The following ADAM12 variants were observed in gnomAD, a reference collection of about 807,000 sequenced individuals.
ADAM12 encodes the protein disintegrin and metalloproteinase domain-containing protein 12.
ADAM12 carries 70 observed loss-of-function variants against 106.4 expected under a neutral mutation model. The ratio of observed to expected loss-of-function variants is 0.66; its 90% CI spans 0.54 to 0.80. ADAM12 has a LOEUF of 0.80. ADAM12 is among the 30% of genes least tolerant of loss of function. The probability of loss-of-function intolerance (pLI) is 0.00; values close to 1 mark genes in which losing one functional copy is unlikely to be tolerated. For missense variants in ADAM12, 1,010 were observed against 1,171.9 expected, an observed-to-expected ratio of 0.86 and a Z score of 2.02; for synonymous variants, 420 against 433.5, an observed-to-expected ratio of 0.97 and a Z score of 0.39.
intron 21 of ADAM12, among the ~76,000 whole-genome samples, chr10:126,031,325 TA>T (rs1179508407): frequency 1.3e-5 from 2 of 152,260 alleles, no homozygotes; most frequent in South Asian, 4.1e-4. Flanking sequence ...CCCAGATTTC[TA>T]GGCTCTGCAA....
At chr10:126,079,661 A>C (rs1323920365) in intron 11 of ADAM12, among the ~76,000 whole-genome samples, 1 of 152,218 alleles carries the variant, frequency 6.6e-6, no homozygotes, top group African/African-American at 2.4e-5. Flanking sequence ...TGTTGTACCT[A>C]TTTGTGTCGT....
rs145095500 is a variant in ADAM12, at chr10:126,123,235, G to C, written c.417-5011C>G. Among the ~76,000 whole-genome samples, 658 of 152,306 alleles carry C rather than the reference G, an allele frequency of 4.3e-3. 10 individuals carry two copies. The highest frequency in any genetic ancestry group is 0.015 in the African/African-American group (614 of 41,556). The stretch of plus-strand genomic sequence containing the variant: ...CAGGGTTTCTGAGATACATTTTGAT[G>C]TTCTCACAGCCCTTACTGGCCCTGA... On this transcript the variant is annotated intron_variant, in intron 5 of 22. Coordinates refer to ENST00000448723, the MANE Select transcript of ADAM12 (RefSeq NM_001288973.2).
chr10:126,013,813 T>TGGAGA lies in ADAM12; in HGVS notation c.*3461_*3465dup, dbSNP rs1261846985. ...AGCTGCCTAGGGCTGGCTTCTAGCA[T>TGGAGA]GGAGAGGAGAGGAAAAGGGGTCCTG... is the stretch of plus-strand genomic sequence containing the variant. On this transcript the variant is annotated 3_prime_UTR_variant, in exon 23 of 23. Transcript: ENST00000448723. This position sits in a 1 kb window ranked among gnomAD's most constrained non-coding sequence, Gnocchi z 4.3. The TGGAGA allele has an allele frequency of 6.6e-6, 1 of 152,306 alleles. No individual in the cohort carries two copies. The highest frequency in any genetic ancestry group is 2.4e-5 in the African/African-American group (1 of 41,406). The allele number at this position is 152,306 out of a possible 1,614,324, so 9.4% of individuals were successfully genotyped here. A position where few individuals can be genotyped will look rare whatever the true frequency, so the allele number is the denominator to read the frequency against.
chr10:126,192,656 G>A (rs1957524742), intron 3 of ADAM12, among the ~76,000 whole-genome samples: 1 of 152,182 alleles, frequency 6.6e-6, no homozygotes. Context: ...TTCAGTAGAT[G>A]GGATCCCCCT....
intron 3 of ADAM12, among the ~76,000 whole-genome samples, chr10:126,170,460 G>A (rs1656825859): frequency 6.6e-6 from 1 of 151,312 alleles, no homozygotes; most frequent in Admixed American, 6.6e-5. Flanking sequence ...GGGAGTCCCT[G>A]TGTGTGAACC....
chr10:126,206,854 T>TGGGGGG (rs145374984), intron 3 of ADAM12, among the ~76,000 whole-genome samples: 13 of 81,816 alleles, frequency 1.6e-4, no homozygotes, highest in East Asian at 3.2e-4. Context: ...CCATGTGTTG[T>TGGGGGG]GGGGGCGGGG....
At chr10:126,257,582 C>T (rs1454417322) in intron 3 of ADAM12, among the ~76,000 whole-genome samples, 4 of 152,158 alleles carry the variant, frequency 2.6e-5, no homozygotes. Context: ...AAAACTCTAT[C>T]CACAACTATA....
At chr10:126,346,710 A>G (rs1278574200) in intron 1 of ADAM12, among the ~76,000 whole-genome samples, 1 of 152,160 alleles carries the variant, frequency 6.6e-6, no homozygotes, top group East Asian at 1.9e-4. Flanking sequence ...GTGCTCCTGT[A>G]TTGGGTGCAT....
chr10:126,290,694 G>T (rs10901584), intron 2 of ADAM12, among the ~76,000 whole-genome samples: 1 of 151,926 alleles, frequency 6.6e-6, no homozygotes, highest in Non-Finnish European at 1.5e-5. Context: ...AATAAATGAC[G>T]CTTCAAAAAT....
At position 126,101,066 on chromosome 10, in the gene ADAM12, C is replaced by G; in HGVS notation, c.911+6G>C. On this transcript the variant is annotated splice_donor_region_variant and intron_variant, in intron 9 of 22. Coordinates refer to ENST00000448723, the MANE Select transcript of ADAM12 (RefSeq NM_001288973.2). ...TTTTTTAAGCAGACAAGACGTAACT[C>G]CCTACCTGACAAGCTGCGCATTGTC... 6.2e-7 allele frequency: 1 copy of G among 1,613,472 alleles called. No individual in the cohort carries two copies. The highest frequency in any genetic ancestry group is 8.5e-7 in the Non-Finnish European group (1 of 1,179,728).
intron 3 of ADAM12, among the ~76,000 whole-genome samples, chr10:126,190,820 G>T (rs1367724527): frequency 6.6e-6 from 1 of 152,058 alleles, no homozygotes; most frequent in African/African-American, 2.4e-5. Context: ...CAGGGCAGAG[G>T]CAGGAAAGAG....
At chr10:126,097,755 C>T (rs1181428804) in intron 10 of ADAM12, among the ~76,000 whole-genome samples, 2 of 152,136 alleles carry the variant, frequency 1.3e-5, no homozygotes, top group African/African-American at 2.4e-5. Context: ...AGCACAAGCC[C>T]CCTGCTGGCA....
intron 3 of ADAM12, among the ~76,000 whole-genome samples, chr10:126,262,676 TA>T (rs1250073173): frequency 6.6e-6 from 1 of 152,202 alleles, no homozygotes; most frequent in East Asian, 1.9e-4. Context: ...AGGACATAAC[TA>T]GAGTCCCAGA....
chr10:126,220,315 C>T (rs1296587757), intron 3 of ADAM12, among the ~76,000 whole-genome samples: 1 of 152,168 alleles, frequency 6.6e-6, no homozygotes, highest in South Asian at 2.1e-4. Context: ...GGTGCTGATA[C>T]TACAGTCCTG....
At position 126,162,743 on chromosome 10, in the gene ADAM12, C is replaced by T. The variant is rs1676740; in HGVS notation, c.261-7438G>A. On this transcript the variant is annotated intron_variant, in intron 3 of 22. Coordinates refer to ENST00000448723, the MANE Select transcript of ADAM12 (RefSeq NM_001288973.2). Reference sequence around the variant, plus strand: ...CAGGGGGGCCCAGAATCAGGAACTGCGTAACAGACTGAGGACTCTTGCGTG... The same window carrying T: ...CAGGGGGGCCCAGAATCAGGAACTGTGTAACAGACTGAGGACTCTTGCGTG... Among the ~76,000 whole-genome samples, 559 of 152,240 alleles carry T rather than the reference C, an allele frequency of 3.7e-3. 6 individuals are homozygous for T. The highest frequency in any genetic ancestry group is 0.013 in the African/African-American group (534 of 41,542).
Position 126,243,489 on chromosome 10 carries a change from ATGTG to A in ADAM12, c.260+35422_260+35425del, listed in dbSNP as rs57227903. ...GGAGCAACTCTGTGTGTGTGAGTGTATGTGTGTGTGTGTGTGTGTGTGTGTGTGT... is the reference window on the plus strand; with the variant it reads ...GGAGCAACTCTGTGTGTGTGAGTGTATGTGTGTGTGTGTGTGTGTGTGTGT... On this transcript the variant is annotated intron_variant, in intron 3 of 22. Transcript: ENST00000448723. Among the ~76,000 whole-genome samples the A allele has an allele frequency of 8.9e-4, 131 of 146,946 alleles. 2 individuals are homozygous for A. Among genetic ancestry groups the A allele is most frequent in the African/African-American group, 2.9e-3 (116 of 39,858 alleles).
chr10:126,125,623 AAAGAT>A (rs1956193211), intron 5 of ADAM12, among the ~76,000 whole-genome samples: 1 of 152,020 alleles, frequency 6.6e-6, no homozygotes, highest in Admixed American at 6.6e-5. Context: ...TGAGGAAAAT[AAAGAT>A]GAGAGTCCCC....
At chr10:126,186,304 A>G (rs1163798709) in intron 3 of ADAM12, among the ~76,000 whole-genome samples, 1 of 152,212 alleles carries the variant, frequency 6.6e-6, no homozygotes, top group Admixed American at 6.5e-5. Flanking sequence ...GCCAATAAGG[A>G]AGAAAAAGTG....
Position 126,053,927 on chromosome 10 carries a change from G to A in ADAM12, c.1610-4258C>T, listed in dbSNP as rs898771278. Among the ~76,000 whole-genome samples, 5 of 151,994 alleles carry A rather than the reference G, an allele frequency of 3.3e-5. No homozygotes were observed. The highest frequency in any genetic ancestry group is 1.9e-4 in the East Asian group (1 of 5,156). On this transcript the variant is annotated intron_variant, in intron 14 of 22. Coordinates refer to ENST00000448723, the MANE Select transcript of ADAM12 (RefSeq NM_001288973.2). The surrounding 1 kb of genome is among the most constrained non-coding windows in gnomAD (Gnocchi z 4.6). Reference sequence around the variant, plus strand: ...TCACCATGTTGGCCAGGGTGGTCTCGAACTCCTGACCTCAGGTGATTCACC... The same window carrying A: ...TCACCATGTTGGCCAGGGTGGTCTCAAACTCCTGACCTCAGGTGATTCACC...
Sources: gnomAD v4.1 joint callset for allele counts (sites outside exome capture counted in the v4.1 genomes callset) on GRCh38, gnomAD v4.1.1 for gene constraint, Gnocchi (gnomAD v3.1) non-coding constraint, MANE v1.5 for transcripts, NCBI Gene and HGNC (gene_info 2026-07-23, HGNC 2026-07-21) for gene names.